The following ZMIZ1 variants were observed in gnomAD, a reference collection of about 807,000 sequenced individuals.
ZMIZ1 encodes the protein zinc finger MIZ domain-containing protein 1.
Under a neutral mutation model 113.9 loss-of-function variants are expected in ZMIZ1, and 17 were observed. That is an observed-to-expected ratio of 0.15 (90% CI 0.10 to 0.22). ZMIZ1 has a LOEUF of 0.22. Among genes scored for constraint, ZMIZ1 ranks in the 10% least tolerant of loss-of-function variants. The probability of loss-of-function intolerance (pLI) is 1.00; values close to 1 mark genes in which losing one functional copy is unlikely to be tolerated. For missense variants in ZMIZ1, 1,059 were observed against 1,477.8 expected (o/e 0.72, Z 4.65); for synonymous variants, 607 against 603.1 (o/e 1.01, Z -0.09).
chr10:79,095,316 C>A (rs1167668346), intron 1 of ZMIZ1, among the ~76,000 whole-genome samples: 2 of 152,184 alleles, frequency 1.3e-5, no homozygotes, highest in African/African-American at 4.8e-5. Context: ...GTTTTGAGGG[C>A]AGAACGCTAT....
intron 4 of ZMIZ1, among the ~76,000 whole-genome samples, chr10:79,168,938 TG>T (rs1846485153): frequency 6.6e-6 from 1 of 152,224 alleles, no homozygotes; most frequent in South Asian, 2.1e-4. Flanking sequence ...GGAAGCTTTT[TG>T]CTCACATCTG....
chr10:79,261,106 G>A (rs558436797), intron 7 of ZMIZ1, among the ~76,000 whole-genome samples: 4 of 152,182 alleles, frequency 2.6e-5, no homozygotes, highest in Admixed American at 6.5e-5. Context: ...TCTGCACTCC[G>A]GCTCCCCCAA....
At chr10:79,215,960 G>T (rs1214844974) in intron 6 of ZMIZ1, among the ~76,000 whole-genome samples, 1 of 152,156 alleles carries the variant, frequency 6.6e-6, no homozygotes, top group Admixed American at 6.5e-5. Context: ...AACCCCTAAG[G>T]ACGGGGCCAG....
chr10:79,292,142 C>T lies in ZMIZ1; in HGVS notation c.759-16C>T. On this transcript the variant is annotated splice_polypyrimidine_tract_variant and intron_variant, in intron 10 of 24. Transcript: ENST00000334512. ...TGCAGGCAGTACCTAACTCTTCCAC[C>T]CTTCTCCCCCTGCAGTTACCCTGGG... 6.3e-7 allele frequency: 1 copy of T among 1,598,348 alleles called. No homozygotes were observed. The highest frequency in any genetic ancestry group is 8.5e-7 in the Non-Finnish European group (1 of 1,169,646).
intron 11 of ZMIZ1, 143 bp from the exon 12 acceptor site, chr10:79,293,238 G>T: frequency 9.4e-7 from 1 of 1,058,684 alleles, no homozygotes; most frequent in Non-Finnish European, 1.3e-6. Context: ...GGGCCTGGTT[G>T]GTCACCAGTC....
chr10:79,292,203 G>T lies in ZMIZ1; in HGVS notation c.804G>T (p.Pro268=), dbSNP rs3740258. 1 of 1,611,980 alleles carries T rather than the reference G, an allele frequency of 6.2e-7. No homozygotes were observed. Among genetic ancestry groups the T allele is most frequent in the East Asian group, 2.2e-5 (1 of 44,856 alleles). The change falls in exon 11 of 25, where the codon CCG becomes CCT. Residue 268 remains proline, a synonymous_variant. Transcript: ENST00000334512. ...CCCCCGCAGGCATGGGCATCCCTCC[G>T]CACACCAGGCCGCCTGCTGACTTCA... ...PNAPAGMGIP[P]HTRPPADFTQ...
At chr10:79,134,535 T>C (rs1352392542) in intron 2 of ZMIZ1, among the ~76,000 whole-genome samples, 1 of 152,134 alleles carries the variant, frequency 6.6e-6, no homozygotes, top group Non-Finnish European at 1.5e-5. Context: ...TCTGAAAACC[T>C]CCACCTCCTT....
intron 7 of ZMIZ1, among the ~76,000 whole-genome samples, chr10:79,272,852 T>C (rs1364709625): frequency 9.2e-5 from 14 of 152,224 alleles, no homozygotes; most frequent in Admixed American, 5.2e-4. Flanking sequence ...AGGCTCAGCA[T>C]TGGCAGTTCG....
chr10:79,103,468 G>A (rs1359772250), intron 1 of ZMIZ1, among the ~76,000 whole-genome samples: 1 of 151,932 alleles, frequency 6.6e-6, no homozygotes, highest in African/African-American at 2.4e-5. Flanking sequence ...AGATGGCTTG[G>A]TTGAGGGGGA....
chr10:79,296,414 C>CT lies in ZMIZ1; in HGVS notation c.1231-56dup, dbSNP rs1436809924. 51 of 1,589,364 alleles carry CT rather than the reference C, an allele frequency of 3.2e-5. No individual in the cohort carries two copies. The highest frequency in any genetic ancestry group is 4.4e-5 in the Non-Finnish European group (51 of 1,161,076). On this transcript the variant is annotated intron_variant, in intron 12 of 24. Coordinates refer to ENST00000334512, the MANE Select transcript of ZMIZ1 (RefSeq NM_020338.4). This position sits in a 1 kb window ranked among gnomAD's most constrained non-coding sequence, Gnocchi z 4.1. Reference sequence around the variant, plus strand: ...CCATCCCGTTGTTCAGGTGACCTGGCTATGTGACGTTGGCAACATTGAACG... The same window carrying CT: ...CCATCCCGTTGTTCAGGTGACCTGGCTTATGTGACGTTGGCAACATTGAACG...
At chr10:79,303,940 G>A in intron 18 of ZMIZ1, 75 bp from the exon 19 acceptor site, 1 of 1,582,868 alleles carries the variant, frequency 6.3e-7, no homozygotes, top group Non-Finnish European at 8.6e-7. Context: ...CGAGGAAGTG[G>A]GGAGCACGTG....
intron 1 of ZMIZ1, among the ~76,000 whole-genome samples, chr10:79,070,175 G>A (rs1039379066): frequency 1.1e-4 from 16 of 151,958 alleles, no homozygotes; most frequent in Non-Finnish European, 2.1e-4. Context: ...CTGGAAGCTT[G>A]CTTCACATTC....
chr10:79,264,303 G>A (rs1272708254), intron 7 of ZMIZ1, among the ~76,000 whole-genome samples: 1 of 152,170 alleles, frequency 6.6e-6, no homozygotes, highest in African/African-American at 2.4e-5. Flanking sequence ...AATGGAGGTC[G>A]AGAGGCATTT....
chr10:79,194,395 A>G (rs181360427), intron 4 of ZMIZ1, among the ~76,000 whole-genome samples: 320 of 152,352 alleles, frequency 2.1e-3, no homozygotes, highest in Non-Finnish European at 2.8e-3. Flanking sequence ...GTGAGGCCTC[A>G]AAGGTGGGAA....
intron 7 of ZMIZ1, among the ~76,000 whole-genome samples, chr10:79,218,551 G>A (rs1848830010): frequency 6.6e-6 from 1 of 151,406 alleles, no homozygotes; most frequent in South Asian, 2.1e-4. Context: ...CTAGTCTAGA[G>A]GGAGAGGAAA....
chr10:79,151,673 C>A (rs1002596418), intron 3 of ZMIZ1, among the ~76,000 whole-genome samples: 1 of 152,228 alleles, frequency 6.6e-6, no homozygotes, highest in Non-Finnish European at 1.5e-5. Context: ...CACCACCCCT[C>A]CTTCTTCCTC....
chr10:79,172,649 C>T (rs1023193327), intron 4 of ZMIZ1, among the ~76,000 whole-genome samples: 2 of 152,168 alleles, frequency 1.3e-5, no homozygotes, highest in Non-Finnish European at 2.9e-5. Context: ...CTTTGGTTGG[C>T]CTCTCACTCA....
intron 6 of ZMIZ1, among the ~76,000 whole-genome samples, chr10:79,215,775 C>A (rs964527321): frequency 7.2e-5 from 11 of 152,012 alleles, no homozygotes; most frequent in Admixed American, 6.6e-5. Context: ...TTCCTGAGGG[C>A]CCAGGGCATG....
At position 79,315,146 on chromosome 10, in the gene ZMIZ1, TC is replaced by T. The variant is rs1855452586; in HGVS notation, c.*2401del. The T allele has an allele frequency of 6.6e-6, 1 of 152,658 alleles. No homozygotes were observed. Among genetic ancestry groups the T allele is most frequent in the Non-Finnish European group, 1.5e-5 (1 of 68,126 alleles). 9.5% of individuals were successfully genotyped at this position (152,658 alleles called of 1,614,324 possible). On this transcript the variant is annotated 3_prime_UTR_variant, in exon 25 of 25. Transcript: ENST00000334512. ...CAGCACCTGAGGCGGGTTTCCTGGG[TC>T]CCCTCTCCAGCAAGCCTCCACCAGC...
Sources: allele counts gnomAD v4.1 joint callset (sites outside exome capture counted in the v4.1 genomes callset), GRCh38; gene constraint gnomAD v4.1.1; non-coding constraint Gnocchi (gnomAD v3.1); transcripts MANE v1.5; gene names NCBI Gene and HGNC (gene_info 2026-07-23, HGNC 2026-07-21).